The following ABCC2 variants were observed in gnomAD, a reference collection of about 807,000 sequenced individuals.
The protein encoded by ABCC2 is ATP binding cassette subfamily C member 2, also known as ATP-binding cassette sub-family C member 2.
A neutral mutation model predicts 173.4 loss-of-function variants in ABCC2; 157 were observed. The observed-to-expected ratio is 0.91, with a 90% CI of 0.80 to 1.03. ABCC2 has a LOEUF of 1.03. Ranked by LOEUF, ABCC2 falls within the 50% of genes least tolerant of loss-of-function variation. The probability of loss-of-function intolerance (pLI) is 0.00; values close to 1 mark genes in which losing one functional copy is unlikely to be tolerated. For synonymous variants in ABCC2, 657 were observed against 693.5 expected (o/e 0.95, Z 0.83); for missense variants, 1,822 against 1,852.3 (o/e 0.98, Z 0.30).
Position 99,846,972 on chromosome 10 carries a change from G to T in ABCC2, c.4158G>T (p.Leu1386=), listed in dbSNP as rs377170961. 2 of 1,614,038 alleles carry T rather than the reference G, an allele frequency of 1.2e-6. No homozygotes were observed. Among genetic ancestry groups the T allele is most frequent in the African/African-American group, 2.7e-5 (2 of 74,926 alleles). The part of the protein sequence containing the change: ...KLTIIPQDPI[L]FSGSLRMNLD... ...CCTTTCACTTGCAGGACCCCATCCTGTTCTCTGGAAGCCTGAGGATGAATC... is the reference window on the plus strand; with the variant it reads ...CCTTTCACTTGCAGGACCCCATCCTTTTCTCTGGAAGCCTGAGGATGAATC... Residue 1386 remains leucine, a synonymous_variant, in exon 30 of 32, where the codon CTG becomes CTT. Coordinates refer to ENST00000647814, the MANE Select transcript of ABCC2 (RefSeq NM_000392.5).
At chr10:99,795,782 A>G (rs1031276141) in intron 6 of ABCC2, among the ~76,000 whole-genome samples, 1 of 146,930 alleles carries the variant, frequency 6.8e-6, no homozygotes, top group East Asian at 1.9e-4. Context: ...AAAGAAAGAA[A>G]GAAAGAAAGA....
intron 3 of ABCC2, 21 bp from the exon 4 acceptor site, chr10:99,793,530 A>G (rs1564670601): frequency 6.2e-7 from 1 of 1,613,954 alleles, no homozygotes. Context: ...TCTTCAGAAC[A>G]TCATGTGAAT....
At chr10:99,814,300 TACAC>T (rs1310805790) in intron 16 of ABCC2, among the ~76,000 whole-genome samples, 1 of 73,326 alleles carries the variant, frequency 1.4e-5, no homozygotes, top group Admixed American at 1.3e-4. Flanking sequence ...CACGTATGTA[TACAC>T]ACATGTATAT....
intron 19 of ABCC2, among the ~76,000 whole-genome samples, chr10:99,823,258 T>C (rs1284445271): frequency 6.6e-6 from 1 of 152,028 alleles, no homozygotes; most frequent in East Asian, 1.9e-4. Context: ...TTTACATGAG[T>C]CAAAGCATGA....
Position 99,830,858 on chromosome 10 carries a change from AC to A in ABCC2, c.2883+9del. 1 of 1,613,784 alleles carries A rather than the reference AC, an allele frequency of 6.2e-7. No homozygotes were observed. The highest frequency in any genetic ancestry group is 8.5e-7 in the Non-Finnish European group (1 of 1,179,940). On this transcript the variant is annotated splice_region_variant and intron_variant, in intron 21 of 31. Transcript: ENST00000647814. ...ATTCATAGAAACTGGAAAGGTGAACACCACACAGAAAAGTAGCATTTGAGGT... is the reference window on the plus strand; with the variant it reads ...ATTCATAGAAACTGGAAAGGTGAACACACACAGAAAAGTAGCATTTGAGGT...
At chr10:99,819,034 A>G (rs2038477082) in intron 18 of ABCC2, 55 bp from the exon 19 acceptor site, 2 of 1,612,706 alleles carry the variant, frequency 1.2e-6, no homozygotes, top group Non-Finnish European at 8.5e-7. Context: ...GGCAAGTAAG[A>G]CAGGGAAGAT....
At chr10:99,806,719 T>A (rs992821281) in intron 11 of ABCC2, among the ~76,000 whole-genome samples, 1 of 152,232 alleles carries the variant, frequency 6.6e-6, no homozygotes, top group Non-Finnish European at 1.5e-5. Context: ...AAATGCTTGC[T>A]TCTTTCCCTC....
Position 99,811,681 on chromosome 10 carries a change from G to C in ABCC2, c.1967+79G>C. On this transcript the variant is annotated intron_variant, in intron 15 of 31. Transcript: ENST00000647814. ...TATTCTCAGAAAATTCCATGTAATA[G>C]AATGCATGGGGAAATGAGCTATGTG... 4.1e-6 allele frequency: 6 copies of C among 1,466,676 alleles called. No homozygotes were observed. In the South Asian group the frequency reaches 4.6e-5, roughly 11 times the overall value. The allele number at this position is 1,466,676 out of a possible 1,614,324, so 90.9% of individuals were successfully genotyped here.
At chr10:99,845,173 G>A (rs2038999752) in intron 28 of ABCC2, among the ~76,000 whole-genome samples, 3 of 152,012 alleles carry the variant, frequency 2.0e-5, no homozygotes, top group Non-Finnish European at 4.4e-5. Context: ...GGGACTACAG[G>A]TGCACGCCAC....
intron 19 of ABCC2, among the ~76,000 whole-genome samples, chr10:99,820,114 A>G (rs549392186): frequency 1.3e-5 from 2 of 152,354 alleles, no homozygotes; most frequent in Admixed American, 6.5e-5. Flanking sequence ...TGGGAGGGCC[A>G]GGCACGATGG....
intron 16 of ABCC2, among the ~76,000 whole-genome samples, chr10:99,814,286 C>CACACATGTATATAT (rs2038303476): frequency 8.3e-5 from 6 of 72,216 alleles, no homozygotes; most frequent in African/African-American, 3.3e-4. Context: ...CGTATGTATA[C>CACACATGTATATAT]ACACACGTAT....
chr10:99,820,252 A>G (rs1164403598), intron 19 of ABCC2, among the ~76,000 whole-genome samples: 1 of 152,292 alleles, frequency 6.6e-6, no homozygotes, highest in Admixed American at 6.5e-5. Flanking sequence ...TTAGCTGGGC[A>G]TGGTGGCACA....
intron 2 of ABCC2, among the ~76,000 whole-genome samples, chr10:99,788,077 AG>A (rs1460246624): frequency 2.6e-5 from 4 of 151,576 alleles, no homozygotes; most frequent in Admixed American, 1.3e-4. Flanking sequence ...AAAAAAAAAA[AG>A]AAAAAAAAGG....
At chr10:99,794,850 A>T (rs1457929496) in intron 6 of ABCC2, among the ~76,000 whole-genome samples, 1 of 152,048 alleles carries the variant, frequency 6.6e-6, no homozygotes, top group Non-Finnish European at 1.5e-5. Context: ...CGAAAGATTA[A>T]TTTTTTAAAA....
chr10:99,846,102 C>T (rs2039013334), intron 29 of ABCC2, among the ~76,000 whole-genome samples: 1 of 152,184 alleles, frequency 6.6e-6, no homozygotes. Context: ...GCAGTTTTGC[C>T]GCTGAAGCTT....
At chr10:99,843,052 C>CA (rs147966035) in intron 26 of ABCC2, among the ~76,000 whole-genome samples, 10,345 of 114,712 alleles carry the variant, frequency 0.09, 601 homozygotes, top group East Asian at 0.37. Flanking sequence ...GATTCCATCT[C>CA]AAAAAAAAAA....
chr10:99,796,541 G>T (rs1318817079), intron 6 of ABCC2, among the ~76,000 whole-genome samples: 1 of 151,898 alleles, frequency 6.6e-6, no homozygotes, highest in Non-Finnish European at 1.5e-5. Flanking sequence ...ACAAGAAGCC[G>T]TGTGCAGTGG....
chr10:99,846,821 C>T (rs957280480), intron 29 of ABCC2, 140 bp from the exon 30 acceptor site: 36 of 1,166,646 alleles, frequency 3.1e-5, no homozygotes, highest in Middle Eastern at 2.6e-4. Context: ...GAAAACCTTG[C>T]GGAAGCTCAA....
Position 99,831,976 on chromosome 10 carries a change from G to A in ABCC2, c.3104-1G>A, listed in dbSNP as rs1054194575. ...GCTGACAAAACTGCTTCCATCTCTA[G>A]GTATATTTGTGTTCATAGCACATTT... On this transcript the variant is annotated splice_acceptor_variant, in intron 22 of 31. Transcript: ENST00000647814. LOFTEE classifies it high-confidence loss of function. 21 of 1,614,050 alleles carry A rather than the reference G, an allele frequency of 1.3e-5. No individual in the cohort carries two copies. Among genetic ancestry groups the A allele is most frequent in the Non-Finnish European group, 1.4e-5 (17 of 1,180,026 alleles).
Sources: allele counts gnomAD v4.1 joint callset (sites outside exome capture counted in the v4.1 genomes callset), GRCh38; gene constraint gnomAD v4.1.1; transcripts MANE v1.5; gene names NCBI Gene and HGNC (gene_info 2026-07-23, HGNC 2026-07-21).